PRKAR2A: variants seen among roughly 807,000 people sequenced by gnomAD.
PRKAR2A encodes protein kinase cAMP-dependent type II regulatory subunit alpha.
A neutral mutation model predicts 51.9 loss-of-function variants in PRKAR2A; 29 were observed. The ratio of observed to expected loss-of-function variants is 0.56; its 90% CI spans 0.42 to 0.76. PRKAR2A has a LOEUF of 0.76. Ranked by LOEUF, PRKAR2A falls within the 30% of genes least tolerant of loss-of-function variation. The pLI is 0.00. For synonymous variants in PRKAR2A, 178 were observed against 186.2 expected, an observed-to-expected ratio of 0.96 and a Z score of 0.36; for missense variants, 445 against 512.1, an observed-to-expected ratio of 0.87 and a Z score of 1.26.
intron 1 of PRKAR2A, among the ~76,000 whole-genome samples, chr3:48,816,599 C>T: frequency 6.6e-6 from 1 of 152,164 alleles, no homozygotes; most frequent in East Asian, 1.9e-4. Flanking sequence ...GATCGCACCA[C>T]TGCACTCCAG....
intron 8 of PRKAR2A, among the ~76,000 whole-genome samples, chr3:48,761,568 TATTAAA>T (rs1298790193): frequency 6.6e-6 from 1 of 152,208 alleles, no homozygotes; most frequent in Non-Finnish European, 1.5e-5. Context: ...AAATGAAATA[TATTAAA>T]ATTAAGTTCA....
At chr3:48,818,548 G>A (rs1251080445) in intron 1 of PRKAR2A, among the ~76,000 whole-genome samples, 1 of 152,052 alleles carries the variant, frequency 6.6e-6, no homozygotes, top group Non-Finnish European at 1.5e-5. Flanking sequence ...CCAGGAGTTC[G>A]AGACAAGTTT....
intron 1 of PRKAR2A, among the ~76,000 whole-genome samples, chr3:48,815,687 T>A (rs1430859529): frequency 7.9e-6 from 1 of 126,816 alleles, no homozygotes; most frequent in Non-Finnish European, 1.7e-5. Flanking sequence ...AGCAAGACTC[T>A]GTCTCAGCGG....
chr3:48,782,684 C>G (rs928589653), intron 5 of PRKAR2A, among the ~76,000 whole-genome samples: 4 of 152,046 alleles, frequency 2.6e-5, no homozygotes, highest in African/African-American at 7.2e-5. Flanking sequence ...TCAAACCCCT[C>G]ACCTCAAGCG....
intron 1 of PRKAR2A, among the ~76,000 whole-genome samples, chr3:48,828,011 G>A (rs71324924): frequency 0.076 from 11,488 of 151,720 alleles, 569 homozygotes; most frequent in Middle Eastern, 0.11. Context: ...GATTACAGAC[G>A]CCCGCCACCA....
At chr3:48,831,971 G>GTATC (rs1341503005) in intron 1 of PRKAR2A, among the ~76,000 whole-genome samples, 3 of 152,074 alleles carry the variant, frequency 2.0e-5, no homozygotes, top group African/African-American at 7.2e-5. Flanking sequence ...CTTTGCACAC[G>GTATC]TATCTTGTGG....
intron 1 of PRKAR2A, among the ~76,000 whole-genome samples, chr3:48,831,991 C>T (rs2083196540): frequency 6.6e-6 from 1 of 152,074 alleles, no homozygotes; most frequent in African/African-American, 2.4e-5. Flanking sequence ...GTCATCACAT[C>T]TTAAAACTGC....
At chr3:48,777,567 G>A (rs1043216112) in intron 5 of PRKAR2A, among the ~76,000 whole-genome samples, 34 of 152,072 alleles carry the variant, frequency 2.2e-4, no homozygotes, top group Admixed American at 1.3e-3. Flanking sequence ...CACCACGCCC[G>A]GCTAATTTTT....
rs745366884 is a variant in PRKAR2A at position 48,765,325 on chromosome 3, T to C, written c.721A>G (p.Ile241Val). ...CTCTTCTTTGCATTATTTTTCACTA[T>C]GATTCTTCTAAAAGTCACCCGGTCC... Reference protein sequence around the residue: ...GLDRVTFRRIIVKNNAKKRKM... With the variant: ...GLDRVTFRRIVVKNNAKKRKM... The change falls in exon 7 of 11, where the codon ATA becomes GTA. Residue 241 changes from isoleucine to valine, a missense_variant. Ile to Val is a conservative substitution (Grantham distance 29). Coordinates refer to ENST00000265563, the MANE Select transcript of PRKAR2A (RefSeq NM_004157.4). 6.8e-6 allele frequency: 11 copies of C among 1,611,554 alleles called. No homozygotes were observed. The highest frequency in any genetic ancestry group is 8.5e-6 in the Non-Finnish European group (10 of 1,178,732).
intron 1 of PRKAR2A, among the ~76,000 whole-genome samples, chr3:48,837,576 C>T (rs1279212435): frequency 6.6e-6 from 1 of 152,114 alleles, no homozygotes; most frequent in Non-Finnish European, 1.5e-5. Context: ...TACTATATGG[C>T]CCAGCAATTC....
intron 8 of PRKAR2A, among the ~76,000 whole-genome samples, chr3:48,757,619 C>T (rs1393659878): frequency 2.6e-5 from 4 of 152,134 alleles, no homozygotes; most frequent in South Asian, 4.1e-4. Context: ...AAGGAGTGTA[C>T]GTGTGTTTTG....
intron 1 of PRKAR2A, among the ~76,000 whole-genome samples, chr3:48,809,314 A>AGTACG (rs2082731977): frequency 1.3e-5 from 2 of 152,124 alleles, no homozygotes; most frequent in South Asian, 4.1e-4. Flanking sequence ...GTTTAGGCCA[A>AGTACG]GTACGGTGGC....
chr3:48,770,001 C>A (rs2082006448), intron 6 of PRKAR2A, among the ~76,000 whole-genome samples: 1 of 152,118 alleles, frequency 6.6e-6, no homozygotes, highest in African/African-American at 2.4e-5. Context: ...GTCTTGAATT[C>A]CTAGGCTCAT....
intron 1 of PRKAR2A, among the ~76,000 whole-genome samples, chr3:48,821,149 T>C (rs1349707937): frequency 6.6e-6 from 1 of 152,176 alleles, no homozygotes; most frequent in Non-Finnish European, 1.5e-5. Context: ...TCCCTAAGTA[T>C]AGGATCTGAC....
chr3:48,821,767 C>T (rs2082965038), intron 1 of PRKAR2A, among the ~76,000 whole-genome samples: 1 of 150,278 alleles, frequency 6.7e-6, no homozygotes, highest in South Asian at 2.1e-4. Flanking sequence ...AATACAAAAA[C>T]TAGCCGGGCA....
At chr3:48,826,587 C>T (rs1301378963) in intron 1 of PRKAR2A, among the ~76,000 whole-genome samples, 1 of 152,114 alleles carries the variant, frequency 6.6e-6, no homozygotes, top group Non-Finnish European at 1.5e-5. Flanking sequence ...ACTCAACCTC[C>T]AGCCCCCTTT....
chr3:48,800,531 T>C lies in PRKAR2A; in HGVS notation c.299-6482A>G, dbSNP rs529311848. Reference sequence around the variant, plus strand: ...CGTCTCAAAAAAAAAAAAAACTATATACACACACACACACACACACACTAA... The same window carrying C: ...CGTCTCAAAAAAAAAAAAAACTATACACACACACACACACACACACACTAA... On this transcript the variant is annotated intron_variant, in intron 2 of 10. Transcript: ENST00000265563. 4.5e-3 allele frequency among the ~76,000 whole-genome samples: 672 copies of C among 148,204 alleles called. 1 individual carries two copies. The highest frequency in any genetic ancestry group is 7.0e-3 in the African/African-American group (285 of 40,532).
intron 5 of PRKAR2A, among the ~76,000 whole-genome samples, chr3:48,782,432 G>A (rs1003223458): frequency 2.6e-4 from 39 of 152,048 alleles, no homozygotes; most frequent in African/African-American, 8.9e-4. Context: ...CTGTAAAGGA[G>A]ACTTTCTTTT....
intron 3 of PRKAR2A, 151 bp downstream of exon 3, chr3:48,793,846 T>C (rs2082433357): frequency 2.7e-6 from 2 of 749,202 alleles, no homozygotes; most frequent in Non-Finnish European, 2.3e-6. Flanking sequence ...CCTCAACCAA[T>C]GCAACTTTCA....
Sources: allele counts gnomAD v4.1 joint callset (sites outside exome capture counted in the v4.1 genomes callset), GRCh38; gene constraint gnomAD v4.1.1; transcripts MANE v1.5; gene names NCBI Gene and HGNC (gene_info 2026-07-23, HGNC 2026-07-21).